IQCH: variants seen among roughly 807,000 people sequenced by gnomAD.
IQCH encodes the protein IQ motif containing H, also known as IQ domain-containing protein H.
A neutral mutation model predicts 117.0 loss-of-function variants in IQCH; 98 were observed. The observed-to-expected ratio is 0.84, with a 90% confidence interval of 0.71 to 0.99. IQCH has a LOEUF of 0.99. Ranked by LOEUF, IQCH falls within the 50% of genes least tolerant of loss-of-function variation. The pLI, the probability that IQCH is intolerant of heterozygous loss-of-function variation, is 0.00. For missense variants in IQCH, 1,102 were observed against 1,243.8 expected (o/e 0.89, Z 1.72); for synonymous variants, 412 against 448.2 (o/e 0.92, Z 1.02).
At position 67,413,929 on chromosome 15, in the gene IQCH, C is replaced by T. The variant is rs947334522; in HGVS notation, c.2098-3002C>T. Among the ~76,000 whole-genome samples the T allele has an allele frequency of 1.3e-5, 2 of 152,196 alleles. No individual in the cohort carries two copies. The highest frequency in any genetic ancestry group is 2.4e-5 in the African/African-American group (1 of 41,452). On this transcript the variant is annotated intron_variant, in intron 14 of 20. Transcript: ENST00000335894. This position sits in a 1 kb window ranked among gnomAD's most constrained non-coding sequence, Gnocchi z 5.0. ...GAATGGCTGGCTTTGTGATCAGAGGCGGTGGCAGAAGCCTGGCACAGTGTC... is the reference window on the plus strand; with the variant it reads ...GAATGGCTGGCTTTGTGATCAGAGGTGGTGGCAGAAGCCTGGCACAGTGTC...
chr15:67,277,843 G>GT (rs1966194038), intron 3 of IQCH, among the ~76,000 whole-genome samples: 1 of 152,054 alleles, frequency 6.6e-6, no homozygotes, highest in South Asian at 2.1e-4. Context: ...CAGTATCTTT[G>GT]TTTTTATCAC....
At chr15:67,374,999 T>C (rs1239188148) in intron 10 of IQCH, among the ~76,000 whole-genome samples, 1 of 152,200 alleles carries the variant, frequency 6.6e-6, no homozygotes, top group Non-Finnish European at 1.5e-5. Context: ...TCTTTACTCC[T>C]ATACTCCCAC....
chr15:67,412,280 T>A (rs567906930), intron 14 of IQCH, among the ~76,000 whole-genome samples: 85 of 152,364 alleles, frequency 5.6e-4, no homozygotes, highest in African/African-American at 2.0e-3. Flanking sequence ...CTAAATGATC[T>A]GTTCAAAATG....
chr15:67,258,337 C>G (rs1019651004), intron 1 of IQCH, among the ~76,000 whole-genome samples: 6 of 151,814 alleles, frequency 4.0e-5, no homozygotes, highest in Non-Finnish European at 5.9e-5. Context: ...CGTACACCAG[C>G]CTGGACAACC....
intron 16 of IQCH, among the ~76,000 whole-genome samples, chr15:67,450,609 A>G (rs201059336): frequency 6.6e-6 from 1 of 151,736 alleles, no homozygotes; most frequent in Non-Finnish European, 1.5e-5. Context: ...TTGATGTGCT[A>G]CTGGATTCGG....
Position 67,445,197 on chromosome 15 carries a change from C to T in IQCH, c.2506-19930C>T, listed in dbSNP as rs1040564199. Among the ~76,000 whole-genome samples the T allele has an allele frequency of 6.6e-6, 1 of 152,074 alleles. No homozygotes were observed. The highest frequency in any genetic ancestry group is 2.4e-5 in the African/African-American group (1 of 41,406). ...ACAGTCTAACACAGCACTTAAAATC[C>T]TTTAAAATCCCTGAAAACCTTTATC... On this transcript the variant is annotated intron_variant, in intron 16 of 20. Coordinates refer to ENST00000335894, the MANE Select transcript of IQCH (RefSeq NM_001031715.3). The surrounding 1 kb of genome is among the most constrained non-coding windows in gnomAD (Gnocchi z 4.3).
intron 16 of IQCH, among the ~76,000 whole-genome samples, chr15:67,452,080 G>T (rs981072718): frequency 6.6e-6 from 1 of 152,094 alleles, no homozygotes; most frequent in East Asian, 1.9e-4. Context: ...CTGCTTGGTA[G>T]ATCTTCCTCC....
chr15:67,336,560 GTC>G (rs1049232321), intron 4 of IQCH, among the ~76,000 whole-genome samples: 4 of 152,076 alleles, frequency 2.6e-5, no homozygotes, highest in Non-Finnish European at 5.9e-5. Context: ...TATCTTTTAA[GTC>G]TTCCAGGTTT....
In IQCH at chr15:67,454,902, T is replaced by C. The variant is rs1444237559; in HGVS notation, c.2506-10225T>C. ...TGTTCGCATAAACATGTGTTTTCAT[T>C]TGTCTTGGTTATATACCTAAGAGCA... On this transcript the variant is annotated intron_variant, in intron 16 of 20. Transcript: ENST00000335894. The surrounding 1 kb of genome is among the most constrained non-coding windows in gnomAD (Gnocchi z 5.2). 1.3e-5 allele frequency among the ~76,000 whole-genome samples: 2 copies of C among 152,236 alleles called. No homozygotes were observed. Among genetic ancestry groups the C allele is most frequent in the African/African-American group, 4.8e-5 (2 of 41,456 alleles).
intron 4 of IQCH, among the ~76,000 whole-genome samples, chr15:67,287,612 C>G (rs955441779): frequency 6.6e-6 from 1 of 151,306 alleles, no homozygotes; most frequent in Admixed American, 6.8e-5. Context: ...TGTATTATCT[C>G]CTTTGTCATC....
chr15:67,489,791 T>C (rs1168187666), intron 18 of IQCH, among the ~76,000 whole-genome samples: 1 of 149,460 alleles, frequency 6.7e-6, no homozygotes, highest in Non-Finnish European at 1.5e-5. Context: ...CTGATGCAGG[T>C]GTTGAGGATC....
chr15:67,275,483 T>C (rs561840140), intron 3 of IQCH, among the ~76,000 whole-genome samples: 24 of 152,286 alleles, frequency 1.6e-4, no homozygotes, highest in Middle Eastern at 3.4e-3. Flanking sequence ...TTTTCTGTTA[T>C]GGGAGCATGA....
chr15:67,409,490 C>T (rs2081388742), intron 14 of IQCH, among the ~76,000 whole-genome samples: 1 of 152,130 alleles, frequency 6.6e-6, no homozygotes, highest in Non-Finnish European at 1.5e-5. Context: ...AACATATGTG[C>T]CTCAGTTGGA....
Position 67,417,139 on chromosome 15 carries a change from T to G in IQCH, c.2218+88T>G. Reference sequence around the variant, plus strand: ...GGTCAACTGGGGCCAATTTAAATACTTTGCATCTCCTGTGTTGGTTTAGAA... The same window carrying G: ...GGTCAACTGGGGCCAATTTAAATACGTTGCATCTCCTGTGTTGGTTTAGAA... On this transcript the variant is annotated intron_variant, in intron 15 of 20. Coordinates refer to ENST00000335894, the MANE Select transcript of IQCH (RefSeq NM_001031715.3). The surrounding 1 kb of genome is among the most constrained non-coding windows in gnomAD (Gnocchi z 4.3). 8.8e-7 allele frequency: 1 copy of G among 1,137,660 alleles called. No individual in the cohort carries two copies. The highest frequency in any genetic ancestry group is 2.8e-5 in the East Asian group (1 of 35,984). The allele number at this position is 1,137,660 out of a possible 1,614,324, so 70.5% of individuals were successfully genotyped here. A position where few individuals can be genotyped will look rare whatever the true frequency, so the allele number is the denominator to read the frequency against.
At chr15:67,288,805 A>G (rs1473755874) in intron 4 of IQCH, among the ~76,000 whole-genome samples, 1 of 152,114 alleles carries the variant, frequency 6.6e-6, no homozygotes, top group African/African-American at 2.4e-5. Context: ...GTCTTTGAGA[A>G]TATGTTGAGG....
Position 67,462,233 on chromosome 15 carries a change from C to G in IQCH, c.2506-2894C>G, listed in dbSNP as rs376389440. Reference sequence around the variant, plus strand: ...CACAAGGTCAGGAGTTCCAGACCAGCCTGGCCAAGACGGTGAAACCCCGTC... The same window carrying G: ...CACAAGGTCAGGAGTTCCAGACCAGGCTGGCCAAGACGGTGAAACCCCGTC... On this transcript the variant is annotated intron_variant, in intron 16 of 20. Coordinates refer to ENST00000335894, the MANE Select transcript of IQCH (RefSeq NM_001031715.3). Among the ~76,000 whole-genome samples the G allele has an allele frequency of 4.7e-4, 71 of 151,802 alleles. 2 individuals are homozygous for G. In the East Asian group the frequency reaches 5.6e-3, roughly 12 times the overall value.
chr15:67,408,351 G>A lies in IQCH; in HGVS notation c.2097+8046G>A, dbSNP rs2081360838. 1 of 152,204 alleles carries A rather than the reference G, an allele frequency of 6.6e-6. No individual in the cohort carries two copies. The highest frequency in any genetic ancestry group is 1.5e-5 in the Non-Finnish European group (1 of 68,048). The allele number at this position is 152,204 out of a possible 1,614,324, so 9.4% of individuals were successfully genotyped here. ...TTGCTTCTGGTCGTCTGTCCTTGGT[G>A]CCCCTCGGTGAGACAGGGATGCCCT... On this transcript the variant is annotated intron_variant, in intron 14 of 20. Transcript: ENST00000335894. This position sits in a 1 kb window ranked among gnomAD's most constrained non-coding sequence, Gnocchi z 4.2.
chr15:67,278,801 G>T (rs1966233810), intron 3 of IQCH, among the ~76,000 whole-genome samples: 1 of 152,142 alleles, frequency 6.6e-6, no homozygotes, highest in African/African-American at 2.4e-5. Flanking sequence ...TAATCTTAAA[G>T]ATCTTGAACT....
At chr15:67,307,782 G>A (rs1453321963) in intron 4 of IQCH, among the ~76,000 whole-genome samples, 1 of 152,128 alleles carries the variant, frequency 6.6e-6, no homozygotes, top group Non-Finnish European at 1.5e-5. Context: ...CTTAACAGAT[G>A]ACTGTAGTCA....
Sources: gnomAD v4.1 joint callset for allele counts (sites outside exome capture counted in the v4.1 genomes callset) on GRCh38, gnomAD v4.1.1 for gene constraint, Gnocchi (gnomAD v3.1) non-coding constraint, MANE v1.5 for transcripts, NCBI Gene and HGNC (gene_info 2026-07-23, HGNC 2026-07-21) for gene names.